XXYLT1: variants seen among roughly 807,000 people sequenced by gnomAD.
The protein encoded by XXYLT1 is xyloside xylosyltransferase 1, also known as UDP-xylose:alpha-xyloside alpha-1,3-xylosyltransferase.
Under a neutral mutation model 28.9 loss-of-function variants are expected in XXYLT1, and 20 were observed. That is an observed-to-expected ratio of 0.69 (90% confidence interval 0.49 to 1.00). XXYLT1 has a LOEUF of 1.00. Among genes scored for constraint, XXYLT1 ranks in the 50% least tolerant of loss-of-function variants. XXYLT1 has a pLI of 0.00. For missense variants in XXYLT1, 542 were observed against 560.1 expected (o/e 0.97, Z 0.33); for synonymous variants, 257 against 253.8 (o/e 1.01, Z -0.12).
intron 3 of XXYLT1, among the ~76,000 whole-genome samples, chr3:195,152,048 G>T (rs1197687058): frequency 6.6e-6 from 1 of 152,188 alleles, no homozygotes. Flanking sequence ...AGAATCCAGT[G>T]ACTCACAAAG....
intron 3 of XXYLT1, among the ~76,000 whole-genome samples, chr3:195,089,735 T>C (rs1445700931): frequency 9.3e-5 from 14 of 150,856 alleles, no homozygotes; most frequent in African/African-American, 3.4e-4. Flanking sequence ...GACTGGCAAA[T>C]TGGATAAAGA....
In XXYLT1 at chr3:195,077,507, C is replaced by T. The variant is rs1025208660; in HGVS notation, c.786-7396G>A. Reference sequence around the variant, plus strand: ...GGCTTAGGTTGTGGCGGCTCCTCAGCGATCAGCCCTCGTCCACCCAGCCAG... The same window carrying T: ...GGCTTAGGTTGTGGCGGCTCCTCAGTGATCAGCCCTCGTCCACCCAGCCAG... On this transcript the variant is annotated intron_variant, in intron 3 of 3. Transcript: ENST00000310380. This position sits in a 1 kb window ranked among gnomAD's most constrained non-coding sequence, Gnocchi z 4.8. Among the ~76,000 whole-genome samples, 7 of 152,154 alleles carry T rather than the reference C, an allele frequency of 4.6e-5. No homozygotes were observed. The highest frequency in any genetic ancestry group is 7.4e-5 in the Non-Finnish European group (5 of 67,994).
At chr3:195,182,863 A>C (rs1208935498) in intron 2 of XXYLT1, among the ~76,000 whole-genome samples, 1 of 152,214 alleles carries the variant, frequency 6.6e-6, no homozygotes, top group Non-Finnish European at 1.5e-5. Flanking sequence ...CCTGAACCCC[A>C]AAAAATTACT....
chr3:195,112,471 C>A (rs1272806213), intron 3 of XXYLT1, among the ~76,000 whole-genome samples: 2 of 146,640 alleles, frequency 1.4e-5, no homozygotes, highest in Non-Finnish European at 3.0e-5. Flanking sequence ...CACACCCACA[C>A]ACATGCACAC....
At chr3:195,134,147 G>A (rs958322046) in intron 3 of XXYLT1, among the ~76,000 whole-genome samples, 4 of 152,088 alleles carry the variant, frequency 2.6e-5, no homozygotes, top group Non-Finnish European at 4.4e-5. Flanking sequence ...GAGTCAAAAA[G>A]GTTTTTAAAA....
intron 2 of XXYLT1, among the ~76,000 whole-genome samples, chr3:195,163,198 G>T (rs1720959767): frequency 6.6e-6 from 1 of 152,122 alleles, no homozygotes; most frequent in African/African-American, 2.4e-5. Flanking sequence ...TAATGATACA[G>T]ATACCACTGG....
intron 2 of XXYLT1, among the ~76,000 whole-genome samples, chr3:195,224,064 G>A (rs1723943527): frequency 6.6e-6 from 1 of 152,178 alleles, no homozygotes; most frequent in Admixed American, 6.5e-5. Context: ...GCTGAGGCAG[G>A]AGACTCGCTT....
intron 3 of XXYLT1, among the ~76,000 whole-genome samples, chr3:195,123,864 A>C (rs1458385616): frequency 6.6e-6 from 1 of 152,228 alleles, no homozygotes; most frequent in Non-Finnish European, 1.5e-5. Flanking sequence ...CCCTAATTCC[A>C]GCACACAGAG....
chr3:195,068,603 G>T lies in XXYLT1; in HGVS notation c.*1112C>A, dbSNP rs1189526112. 23 of 138,458 alleles carry T rather than the reference G, an allele frequency of 1.7e-4. No individual in the cohort carries two copies. The highest frequency in any genetic ancestry group is 5.0e-4 in the African/African-American group (19 of 38,032). The allele number at this position is 138,458 out of a possible 1,614,324, so 8.6% of individuals were successfully genotyped here. ...TTTTTGGTTTTTTTTTTTTTTTTGA[G>T]ATGGACGTCTCACTCTGTCGTCCAG... On this transcript the variant is annotated 3_prime_UTR_variant, in exon 4 of 4. Coordinates refer to ENST00000310380, the MANE Select transcript of XXYLT1 (RefSeq NM_152531.5).
chr3:195,092,405 C>T (rs2108662396), intron 3 of XXYLT1, among the ~76,000 whole-genome samples: 2 of 149,380 alleles, frequency 1.3e-5, no homozygotes, highest in East Asian at 4.5e-4. Context: ...CTTTGACAAA[C>T]CTGACAAAAA....
chr3:195,169,867 ATAT>A (rs1405916344), intron 2 of XXYLT1, among the ~76,000 whole-genome samples: 3 of 124,446 alleles, frequency 2.4e-5, no homozygotes, highest in Non-Finnish European at 3.1e-5. Flanking sequence ...ATATATATAT[ATAT>A]TTTTTTTTTT....
At chr3:195,267,001 A>T (rs894474885) in intron 1 of XXYLT1, among the ~76,000 whole-genome samples, 1 of 152,288 alleles carries the variant, frequency 6.6e-6, no homozygotes, top group Non-Finnish European at 1.5e-5. Flanking sequence ...TAACAGATTA[A>T]TTAAAACCTT....
rs572588056 is a variant in XXYLT1 at position 195,204,067 on chromosome 3, G to C, written c.652+22642C>G. 2.6e-5 allele frequency among the ~76,000 whole-genome samples: 4 copies of C among 152,268 alleles called. No homozygotes were observed. In the South Asian group the frequency reaches 8.3e-4, roughly 32 times the overall value. ...GTGTTAGAGAAAACTATCATTGGCC[G>C]GGCACAGTGGCTCACGCCTGGAATC... On this transcript the variant is annotated intron_variant, in intron 2 of 3. Transcript: ENST00000310380.
At chr3:195,204,974 G>T (rs1382443584) in intron 2 of XXYLT1, among the ~76,000 whole-genome samples, 1 of 152,210 alleles carries the variant, frequency 6.6e-6, no homozygotes, top group Non-Finnish European at 1.5e-5. Flanking sequence ...TTCCTCCCCA[G>T]TTGCGAAGTC....
intron 3 of XXYLT1, among the ~76,000 whole-genome samples, chr3:195,131,540 G>A (rs765358580): frequency 1.5e-4 from 23 of 152,226 alleles, no homozygotes; most frequent in Admixed American, 3.9e-4. Context: ...TGCATCTCCA[G>A]AAAGCTCCAT....
At chr3:195,171,331 T>C (rs1721394735) in intron 2 of XXYLT1, among the ~76,000 whole-genome samples, 1 of 152,184 alleles carries the variant, frequency 6.6e-6, no homozygotes, top group Non-Finnish European at 1.5e-5. Context: ...TCCGCACACA[T>C]CAACAGCTCT....
chr3:195,204,534 T>C (rs535714334), intron 2 of XXYLT1, among the ~76,000 whole-genome samples: 1 of 150,890 alleles, frequency 6.6e-6, no homozygotes, highest in African/African-American at 2.5e-5. Flanking sequence ...CAGTCTGAAC[T>C]GCTGGCCAGC....
At chr3:195,139,646 A>C (rs1719384547) in intron 3 of XXYLT1, among the ~76,000 whole-genome samples, 1 of 152,166 alleles carries the variant, frequency 6.6e-6, no homozygotes, top group Non-Finnish European at 1.5e-5. Context: ...TCTTTACTAG[A>C]TAAGCTCAGA....
At chr3:195,114,381 C>A (rs1364000769) in intron 3 of XXYLT1, among the ~76,000 whole-genome samples, 1 of 152,234 alleles carries the variant, frequency 6.6e-6, no homozygotes, top group Non-Finnish European at 1.5e-5. Flanking sequence ...CACGGAGCAT[C>A]ACCTTCCACC....
Sources: gnomAD v4.1 joint callset for allele counts (sites outside exome capture counted in the v4.1 genomes callset) on GRCh38, gnomAD v4.1.1 for gene constraint, Gnocchi (gnomAD v3.1) non-coding constraint, MANE v1.5 for transcripts, NCBI Gene and HGNC (gene_info 2026-07-23, HGNC 2026-07-21) for gene names.